Variants in ARHGEF4 observed in about 807,000 individuals in gnomAD.
ARHGEF4 encodes the protein Rho guanine nucleotide exchange factor 4.
A neutral mutation model predicts 162.0 loss-of-function variants in ARHGEF4; 119 were observed. The ratio of observed to expected loss-of-function variants is 0.73; its 90% CI spans 0.63 to 0.86. The LOEUF (loss-of-function observed/expected upper bound fraction) is 0.86, where lower values mean the gene tolerates loss of function less well. ARHGEF4 is among the 40% of genes least tolerant of loss of function. The probability of loss-of-function intolerance (pLI) is 0.00; values close to 1 mark genes in which losing one functional copy is unlikely to be tolerated. For missense variants in ARHGEF4, 2,488 were observed against 2,456.0 expected, an observed-to-expected ratio of 1.01 and a Z score of -0.28; for synonymous variants, 1,014 against 979.9, an observed-to-expected ratio of 1.03 and a Z score of -0.65.
intron 1 of ARHGEF4, among the ~76,000 whole-genome samples, chr2:130,907,392 T>C (rs13027523): frequency 0.88 from 132,354 of 151,044 alleles, 59,057 homozygotes; most frequent in Non-Finnish European, 0.95. Flanking sequence ...TATTTTTTTG[T>C]ATTTTTTAGT....
In ARHGEF4 at chr2:130,914,808, C is replaced by T; in HGVS notation, c.862C>T (p.Pro288Ser). The T allele has an allele frequency of 6.9e-7, 1 of 1,449,210 alleles. No individual in the cohort carries two copies. Among genetic ancestry groups the T allele is most frequent in the Non-Finnish European group, 9.1e-7 (1 of 1,104,428 alleles). 89.8% of individuals were successfully genotyped at this position (1,449,210 alleles called of 1,614,324 possible). A position where few individuals can be genotyped will look rare whatever the true frequency, so the allele number is the denominator to read the frequency against. Residue 288 changes from proline to serine, a missense_variant, in exon 2 of 14, where the codon CCC becomes TCC. Pro to Ser is a moderately conservative substitution (Grantham distance 74, BLOSUM62 -1). This residue lies in a region of ARHGEF4 where 1,642 missense variants were observed against 1,481.5 expected (regional missense o/e 1.11). Transcript: ENST00000409359. ...AGDTELLWSQPHSDVPCQPPL... is the reference protein window; with the variant it reads ...AGDTELLWSQSHSDVPCQPPL... The stretch of plus-strand genomic sequence containing the variant: ...GGACACAGAATTGCTCTGGTCCCAG[C>T]CCCACTCGGATGTCCCCTGCCAGCC...
chr2:130,912,802 C>T (rs771283497), intron 1 of ARHGEF4, among the ~76,000 whole-genome samples: 1 of 151,966 alleles, frequency 6.6e-6, no homozygotes, highest in Non-Finnish European at 1.5e-5. Flanking sequence ...GAAGCCACAC[C>T]CAAAAGAACA....
intron 4 of ARHGEF4, among the ~76,000 whole-genome samples, chr2:131,020,424 G>A (rs56687485): frequency 0.017 from 2,392 of 144,658 alleles, 62 homozygotes; most frequent in African/African-American, 0.057. Flanking sequence ...CCACCTATGA[G>A]TGAGAATATG....
intron 4 of ARHGEF4, among the ~76,000 whole-genome samples, chr2:130,992,066 A>G (rs1392468520): frequency 1.3e-5 from 2 of 152,184 alleles, no homozygotes; most frequent in Non-Finnish European, 2.9e-5. Flanking sequence ...CTCTGTATCT[A>G]GCTGCTCTGG....
chr2:131,042,768 C>T (rs956029372), intron 10 of ARHGEF4, among the ~76,000 whole-genome samples: 1 of 152,220 alleles, frequency 6.6e-6, no homozygotes, highest in Non-Finnish European at 1.5e-5. Context: ...AACAGGCCAC[C>T]GCCAACCACT....
intron 1 of ARHGEF4, among the ~76,000 whole-genome samples, chr2:130,890,105 G>A (rs1679775905): frequency 6.6e-6 from 1 of 152,088 alleles, no homozygotes; most frequent in South Asian, 2.1e-4. Context: ...GAGATTTGTT[G>A]GACTTAAAAA....
At chr2:131,042,027 G>C (rs1690855462) in intron 10 of ARHGEF4, 83 bp downstream of exon 10, 2 of 1,513,124 alleles carry the variant, frequency 1.3e-6, no homozygotes, top group Non-Finnish European at 1.8e-6. Flanking sequence ...AAATCTAGAA[G>C]GGAGCTGAAG....
chr2:131,013,513 G>T (rs1435073822), intron 4 of ARHGEF4, among the ~76,000 whole-genome samples: 1 of 152,210 alleles, frequency 6.6e-6, no homozygotes, highest in African/African-American at 2.4e-5. Context: ...ATGCATGATT[G>T]TCCTGATCCA....
chr2:130,905,977 A>T (rs558807233), intron 1 of ARHGEF4, among the ~76,000 whole-genome samples: 1 of 152,288 alleles, frequency 6.6e-6, no homozygotes, highest in African/African-American at 2.4e-5. Context: ...ATGGACAATT[A>T]CTTTATTCTT....
chr2:130,932,843 C>A (rs117008584), intron 3 of ARHGEF4, among the ~76,000 whole-genome samples: 6 of 152,032 alleles, frequency 3.9e-5, no homozygotes, highest in African/African-American at 4.8e-5. Flanking sequence ...ATTTTCCATG[C>A]GGATATGTAG....
chr2:130,915,766 G>A lies in ARHGEF4; in HGVS notation c.1820G>A (p.Gly607Glu), dbSNP rs974560425. The A allele has an allele frequency of 2.0e-6, 3 of 1,532,344 alleles. No individual in the cohort carries two copies. Among genetic ancestry groups the A allele is most frequent in the African/African-American group, 2.8e-5 (2 of 72,116 alleles). The allele number at this position is 1,532,344 out of a possible 1,614,324, so 94.9% of individuals were successfully genotyped here. The change falls in exon 2 of 14, where the codon GGG becomes GAG. Residue 607 changes from glycine to glutamate, a missense_variant. Physicochemically the swap from Gly to Glu is moderately conservative, Grantham distance 98. Around this residue, in one of 6 missense-constraint regions of ARHGEF4, gnomAD observed 1,642 missense variants for 1,481.5 expected, o/e 1.11. Coordinates refer to ENST00000409359, the MANE Select transcript of ARHGEF4 (RefSeq NM_001367493.1). The part of the protein sequence containing the change: ...CGPGAEEGEQ[G>E]PGGAGGRQLE... ...CCCGGGGCTGAGGAGGGTGAACAGG[G>A]GCCTGGGGGTGCCGGGGGCCGGCAG... is the stretch of plus-strand genomic sequence containing the variant.
At chr2:130,889,350 AT>A (rs1358028905) in intron 1 of ARHGEF4, among the ~76,000 whole-genome samples, 1 of 151,882 alleles carries the variant, frequency 6.6e-6, no homozygotes, top group Non-Finnish European at 1.5e-5. Context: ...GTTAATTGTT[AT>A]TTTATATAGC....
intron 4 of ARHGEF4, 86 bp downstream of exon 4, chr2:130,946,721 A>G (rs765996877): frequency 6.3e-7 from 1 of 1,575,850 alleles, no homozygotes; most frequent in South Asian, 1.1e-5. Context: ...AGCTGTATCC[A>G]CTTGCCTGGT....
At chr2:130,848,233 G>C (rs554005105) in intron 1 of ARHGEF4, among the ~76,000 whole-genome samples, 1 of 152,232 alleles carries the variant, frequency 6.6e-6, no homozygotes, top group South Asian at 2.1e-4. Flanking sequence ...GGCTGCTCCC[G>C]CCCACCCTGT....
intron 1 of ARHGEF4, among the ~76,000 whole-genome samples, chr2:130,901,226 C>T (rs1474723431): frequency 6.6e-6 from 1 of 152,164 alleles, no homozygotes; most frequent in Non-Finnish European, 1.5e-5. Flanking sequence ...ATTTCTGCTG[C>T]TGGGTGGAGG....
At position 131,044,368 on chromosome 2, in the gene ARHGEF4, C is replaced by T. The variant is rs774259330; in HGVS notation, c.5227C>T (p.Leu1743=). The change falls in exon 12 of 14, where the codon CTG becomes TTG. Residue 1743 remains leucine (L), a synonymous_variant. Transcript: ENST00000409359. ...CATGGACGGCCTGGAGGTGGTGGACCTGGAGGACGGGAAGGACAGAGACCT... is the reference window on the plus strand; with the variant it reads ...CATGGACGGCCTGGAGGTGGTGGACTTGGAGGACGGGAAGGACAGAGACCT... ...LDMDGLEVVD[L]EDGKDRDLHV... 1.7e-5 allele frequency: 28 copies of T among 1,602,040 alleles called. No individual in the cohort carries two copies. The Admixed American group carries it at 4.8e-4, about 27-fold the overall frequency.
At chr2:130,850,829 CA>C (rs1409338869) in intron 1 of ARHGEF4, among the ~76,000 whole-genome samples, 4 of 152,244 alleles carry the variant, frequency 2.6e-5, no homozygotes, top group African/African-American at 9.6e-5. Flanking sequence ...ACAGTCTTTC[CA>C]ACAAGACCCC....
chr2:131,007,334 T>C (rs1224107902), intron 4 of ARHGEF4, among the ~76,000 whole-genome samples: 1 of 152,184 alleles, frequency 6.6e-6, no homozygotes, highest in East Asian at 1.9e-4. Context: ...TCTCCTCTCC[T>C]CCATCATAGC....
intron 1 of ARHGEF4, among the ~76,000 whole-genome samples, chr2:130,897,442 G>T (rs1328986993): frequency 6.6e-6 from 1 of 151,978 alleles, no homozygotes; most frequent in Non-Finnish European, 1.5e-5. Flanking sequence ...TCTGCCAGCG[G>T]TGAGCACTGC....
Sources: allele counts gnomAD v4.1 joint callset (sites outside exome capture counted in the v4.1 genomes callset), GRCh38; gene constraint gnomAD v4.1.1; regional missense constraint gnomAD v4.1.1; transcripts MANE v1.5; gene names NCBI Gene and HGNC (gene_info 2026-07-23, HGNC 2026-07-21).